The following ADAM7 variants were observed in gnomAD, a reference collection of about 807,000 sequenced individuals.
ADAM7 encodes the protein ADAM metallopeptidase domain 7.
In ADAM7, 97 loss-of-function variants were observed where a neutral mutation model predicts 102.9. The observed-to-expected ratio is 0.94, with a 90% CI of 0.80 to 1.12. The LOEUF (loss-of-function observed/expected upper bound fraction) is 1.12. Among genes scored for constraint, ADAM7 ranks in the 50% most tolerant of loss-of-function variants. The pLI, the probability that ADAM7 is intolerant of heterozygous loss-of-function variation, is 0.00. For synonymous variants in ADAM7, 334 were observed against 304.4 expected (o/e 1.10, Z -1.01); for missense variants, 991 against 908.7 (o/e 1.09, Z -1.16).
chr8:24,471,651 G>C (rs1458475906), intron 7 of ADAM7, among the ~76,000 whole-genome samples: 2 of 152,046 alleles, frequency 1.3e-5, no homozygotes, highest in African/African-American at 4.8e-5. Context: ...ATTTAGGTTT[G>C]TGTACGTATG....
At chr8:24,499,141 A>C (rs1166882952) in intron 16 of ADAM7, 95 bp from the exon 17 acceptor site, 3 of 891,808 alleles carry the variant, frequency 3.4e-6, no homozygotes, top group Non-Finnish European at 3.3e-6. Flanking sequence ...TGTAAATTAC[A>C]TGCAAAATTG....
chr8:24,472,870 T>C (rs1414389562), intron 7 of ADAM7, among the ~76,000 whole-genome samples: 3 of 151,976 alleles, frequency 2.0e-5, no homozygotes, highest in Non-Finnish European at 4.4e-5. Context: ...CTGACAATGC[T>C]GATTAAAAAA....
intron 20 of ADAM7, among the ~76,000 whole-genome samples, chr8:24,502,292 G>T (rs564954021): frequency 6.6e-6 from 1 of 151,904 alleles, no homozygotes; most frequent in African/African-American, 2.4e-5. Context: ...AATGTATAGC[G>T]CTTATCTGCT....
At chr8:24,446,760 T>C (rs964069083) in intron 2 of ADAM7, among the ~76,000 whole-genome samples, 1 of 151,620 alleles carries the variant, frequency 6.6e-6, no homozygotes, top group Non-Finnish European at 1.5e-5. Context: ...CATGGACATA[T>C]GGTAAATGGT....
At chr8:24,457,752 C>G (rs544008275) in intron 3 of ADAM7, among the ~76,000 whole-genome samples, 1 of 151,906 alleles carries the variant, frequency 6.6e-6, no homozygotes, top group Non-Finnish European at 1.5e-5. Context: ...GAAAAATTGC[C>G]TAACTGCAAA....
intron 20 of ADAM7, among the ~76,000 whole-genome samples, chr8:24,506,753 GCA>G (rs71549838): frequency 0.44 from 63,372 of 143,970 alleles, 14,077 homozygotes; most frequent in South Asian, 0.52. Context: ...CTGAGTCAAA[GCA>G]CACACACACA....
intron 1 of ADAM7, 49 bp from the exon 2 acceptor site, chr8:24,442,424 G>A: frequency 7.7e-7 from 1 of 1,291,962 alleles, no homozygotes. Context: ...AGCCGCTGTA[G>A]ACGAATGTTA....
intron 7 of ADAM7, 96 bp downstream of exon 7, chr8:24,468,916 C>A: frequency 1.7e-6 from 2 of 1,151,654 alleles, no homozygotes; most frequent in South Asian, 1.5e-5. Flanking sequence ...AATCAGAGTT[C>A]TATTCTAGGC....
Position 24,508,624 on chromosome 8 carries a change from T to C in ADAM7, c.*78T>C. ...GATGCAACGTCTTTACAACCTTACC[T>C]AGATATCTGCTACTCACATTTTTGG... On this transcript the variant is annotated 3_prime_UTR_variant, in exon 22 of 22. Coordinates refer to ENST00000175238, the MANE Select transcript of ADAM7 (RefSeq NM_003817.4). 1.2e-6 allele frequency: 2 copies of C among 1,606,954 alleles called. No homozygotes were observed. Among genetic ancestry groups the C allele is most frequent in the Non-Finnish European group, 1.7e-6 (2 of 1,175,944 alleles).
intron 2 of ADAM7, among the ~76,000 whole-genome samples, chr8:24,445,994 A>T (rs1818544053): frequency 1.3e-5 from 2 of 152,216 alleles, no homozygotes; most frequent in African/African-American, 4.8e-5. Context: ...GTGCTTGGTT[A>T]TCCAGTGTTT....
intron 3 of ADAM7, among the ~76,000 whole-genome samples, chr8:24,457,441 A>G (rs1348035796): frequency 6.6e-6 from 1 of 151,858 alleles, no homozygotes; most frequent in Admixed American, 6.6e-5. Flanking sequence ...ATGACTGGCA[A>G]ATTTTTTGTA....
intron 14 of ADAM7, 122 bp downstream of exon 14, chr8:24,492,220 G>A: frequency 4.0e-6 from 4 of 1,009,268 alleles, no homozygotes; most frequent in Non-Finnish European, 5.8e-6. Flanking sequence ...CCAAGATATT[G>A]CTTAGCATTT....
At position 24,508,775 on chromosome 8, in the gene ADAM7, G is replaced by A. The variant is rs1443417853; in HGVS notation, c.*229G>A. 4.4e-6 allele frequency: 6 copies of A among 1,350,810 alleles called. No homozygotes were observed. The highest frequency in any genetic ancestry group is 5.7e-6 in the Non-Finnish European group (6 of 1,050,622). 83.7% of individuals were successfully genotyped at this position (1,350,810 alleles called of 1,614,324 possible). A position where few individuals can be genotyped will look rare whatever the true frequency, so the allele number is the denominator to read the frequency against. On this transcript the variant is annotated 3_prime_UTR_variant, in exon 22 of 22. Coordinates refer to ENST00000175238, the MANE Select transcript of ADAM7 (RefSeq NM_003817.4). Reference sequence around the variant, plus strand: ...ATATGCTGCAGAAAAAAAATGTCTTGTGGTCTTTCAAATGCTCTTTAGCAC... The same window carrying A: ...ATATGCTGCAGAAAAAAAATGTCTTATGGTCTTTCAAATGCTCTTTAGCAC...
At chr8:24,474,423 C>T (rs892672594) in intron 7 of ADAM7, among the ~76,000 whole-genome samples, 3 of 152,074 alleles carry the variant, frequency 2.0e-5, no homozygotes, top group Admixed American at 2.0e-4. Flanking sequence ...TTAAACTGGG[C>T]TTTAGTGTAT....
At chr8:24,485,561 C>G (rs2129389545) in intron 10 of ADAM7, among the ~76,000 whole-genome samples, 200 bp downstream of exon 10, 1 of 152,020 alleles carries the variant, frequency 6.6e-6, no homozygotes, top group East Asian at 1.9e-4. Context: ...TGAAGGTAAA[C>G]CCATTTTGTT....
At chr8:24,501,018 A>G in intron 19 of ADAM7, 123 bp downstream of exon 19, 1 of 753,900 alleles carries the variant, frequency 1.3e-6, no homozygotes, top group South Asian at 1.9e-5. Context: ...TCAGGTAAGA[A>G]TAGTAGTAAC....
intron 7 of ADAM7, among the ~76,000 whole-genome samples, chr8:24,473,573 T>C (rs1365904765): frequency 5.3e-5 from 8 of 152,150 alleles, no homozygotes; most frequent in African/African-American, 1.9e-4. Flanking sequence ...AGAATCAACA[T>C]TGGAGGAAAC....
At chr8:24,457,241 A>G (rs1206661286) in intron 3 of ADAM7, among the ~76,000 whole-genome samples, 1 of 152,048 alleles carries the variant, frequency 6.6e-6, no homozygotes, top group Non-Finnish European at 1.5e-5. Flanking sequence ...ATCTTTAAAT[A>G]TTTACCCATT....
chr8:24,489,785 T>C (rs1357477864), intron 12 of ADAM7, among the ~76,000 whole-genome samples: 6 of 152,212 alleles, frequency 3.9e-5, no homozygotes, highest in Non-Finnish European at 8.8e-5. Flanking sequence ...AAATGTTTCA[T>C]GTATTTATTG....
Sources: gnomAD v4.1 joint callset for allele counts (sites outside exome capture counted in the v4.1 genomes callset) on GRCh38, gnomAD v4.1.1 for gene constraint, MANE v1.5 for transcripts, NCBI Gene and HGNC (gene_info 2026-07-23, HGNC 2026-07-21) for gene names.